The following ZEB1 variants were observed in gnomAD, a reference collection of about 807,000 sequenced individuals.
ZEB1 encodes the protein zinc finger E-box binding homeobox 1, also known as zinc finger E-box-binding homeobox 1.
Under a neutral mutation model 84.9 loss-of-function variants are expected in ZEB1, and 21 were observed. The observed-to-expected ratio is 0.25, with a 90% CI of 0.18 to 0.36. The LOEUF is 0.36. Ranked by LOEUF, ZEB1 falls within the 10% of genes least tolerant of loss-of-function variation. ZEB1 has a pLI of 1.00. For missense variants in ZEB1, 1,104 were observed against 1,330.2 expected, an observed-to-expected ratio of 0.83 and a Z score of 2.65; for synonymous variants, 420 against 471.1, an observed-to-expected ratio of 0.89 and a Z score of 1.41.
At chr10:31,370,079 G>A (rs1457212166) in intron 1 of ZEB1, among the ~76,000 whole-genome samples, 1 of 152,020 alleles carries the variant, frequency 6.6e-6, no homozygotes. Flanking sequence ...TTGAGATGTT[G>A]GAGTTACTTA....
At chr10:31,390,701 A>C (rs1455991417) in intron 1 of ZEB1, among the ~76,000 whole-genome samples, 1 of 152,128 alleles carries the variant, frequency 6.6e-6, no homozygotes, top group African/African-American at 2.4e-5. Flanking sequence ...GTCAAGCATG[A>C]ACACAAAATA....
intron 1 of ZEB1, among the ~76,000 whole-genome samples, chr10:31,435,023 G>A (rs1340461262): frequency 1.3e-5 from 2 of 152,116 alleles, no homozygotes; most frequent in African/African-American, 2.4e-5. Flanking sequence ...CTGTGAATAT[G>A]TTACATTACT....
chr10:31,427,858 C>G (rs1293532440), intron 1 of ZEB1, among the ~76,000 whole-genome samples: 11 of 119,390 alleles, frequency 9.2e-5, no homozygotes, highest in Admixed American at 8.8e-4. Context: ...GACTCCATCT[C>G]AAAAAAAAAA....
At chr10:31,361,848 G>A (rs2043171954) in intron 1 of ZEB1, among the ~76,000 whole-genome samples, 6 of 148,980 alleles carry the variant, frequency 4.0e-5, no homozygotes, top group African/African-American at 2.5e-5. Context: ...TGAGGAGGCC[G>A]GGCAGAGGCA....
At chr10:31,386,796 T>C (rs1401889960) in intron 1 of ZEB1, among the ~76,000 whole-genome samples, 1 of 152,178 alleles carries the variant, frequency 6.6e-6, no homozygotes, top group Non-Finnish European at 1.5e-5. Flanking sequence ...TTAATGAGTT[T>C]AGCTATGTAT....
At chr10:31,369,216 A>T (rs2045220422) in intron 1 of ZEB1, among the ~76,000 whole-genome samples, 1 of 152,182 alleles carries the variant, frequency 6.6e-6, no homozygotes, top group Non-Finnish European at 1.5e-5. Flanking sequence ...AATATTTCAT[A>T]TTGAGACATT....
At chr10:31,357,554 G>A (rs890278434) in intron 1 of ZEB1, among the ~76,000 whole-genome samples, 1 of 152,052 alleles carries the variant, frequency 6.6e-6, no homozygotes, top group African/African-American at 2.4e-5. Flanking sequence ...GAATAACTCT[G>A]CTCCCAATAG....
chr10:31,526,884 G>C lies in ZEB1; in HGVS notation c.2998G>C (p.Glu1000Gln), dbSNP rs1313880844. ...GGAAGAACGTGACAGCACAGAGCAGGAAGAGGCAGGGCCTGAAATCCTCTC... is the reference window on the plus strand; with the variant it reads ...GGAAGAACGTGACAGCACAGAGCAGCAAGAGGCAGGGCCTGAAATCCTCTC... ...EAEERDSTEQ[E>Q]EAGPEILSNE... Residue 1000 changes from glutamate to glutamine, a missense_variant, in exon 9 of 9, where the codon GAA becomes CAA. Physicochemically the swap from Glu to Gln is conservative, Grantham distance 29. Around this residue, in one of 7 missense-constraint regions of ZEB1, gnomAD observed 173 missense variants for 167.0 expected, o/e 1.04. Transcript: ENST00000424869. 6.2e-7 allele frequency: 1 copy of C among 1,614,194 alleles called. No individual in the cohort carries two copies. Among genetic ancestry groups the C allele is most frequent in the East Asian group, 2.2e-5 (1 of 44,852 alleles).
intron 1 of ZEB1, among the ~76,000 whole-genome samples, chr10:31,345,392 G>A (rs964201673): frequency 2.0e-5 from 3 of 152,128 alleles, no homozygotes; most frequent in African/African-American, 7.2e-5. Context: ...CTTAATGACA[G>A]GAAAGTAAAC....
At chr10:31,490,657 A>G (rs555347055) in intron 2 of ZEB1, among the ~76,000 whole-genome samples, 1 of 151,890 alleles carries the variant, frequency 6.6e-6, no homozygotes, top group Admixed American at 6.6e-5. Context: ...TAATAATTCT[A>G]ACATCTTTTT....
intron 1 of ZEB1, among the ~76,000 whole-genome samples, chr10:31,455,306 A>C (rs1406460984): frequency 1.3e-5 from 2 of 152,226 alleles, no homozygotes; most frequent in African/African-American, 4.8e-5. Flanking sequence ...AAACCATGAA[A>C]ACCCTAGAAG....
At chr10:31,395,734 C>T (rs1333116874) in intron 1 of ZEB1, among the ~76,000 whole-genome samples, 1 of 152,144 alleles carries the variant, frequency 6.6e-6, no homozygotes, top group African/African-American at 2.4e-5. Context: ...GGGACTTCAC[C>T]TCTTTTCGAT....
chr10:31,493,356 T>C (rs1053954213), intron 2 of ZEB1, among the ~76,000 whole-genome samples: 3 of 151,958 alleles, frequency 2.0e-5, no homozygotes, highest in African/African-American at 2.4e-5. Context: ...TTTTCCATTA[T>C]GTTTCATTTT....
At chr10:31,325,765 C>T (rs2035342895) in intron 1 of ZEB1, among the ~76,000 whole-genome samples, 1 of 151,688 alleles carries the variant, frequency 6.6e-6, no homozygotes, top group Admixed American at 6.6e-5. Context: ...CCTCTGTTTT[C>T]TCTTTTTAAA....
At chr10:31,501,545 A>G (rs1056141086) in intron 3 of ZEB1, among the ~76,000 whole-genome samples, 1 of 152,142 alleles carries the variant, frequency 6.6e-6, no homozygotes, top group Non-Finnish European at 1.5e-5. Context: ...ATTAAAAACT[A>G]TTTTCTAAGA....
At chr10:31,472,336 G>A (rs1024905504) in intron 2 of ZEB1, among the ~76,000 whole-genome samples, 14 of 152,004 alleles carry the variant, frequency 9.2e-5, no homozygotes, top group African/African-American at 3.4e-4. Context: ...AAAAAAGAGA[G>A]AAGAATCAAA....
chr10:31,516,549 A>T (rs1214082481), intron 6 of ZEB1, among the ~76,000 whole-genome samples: 237 of 81,490 alleles, frequency 2.9e-3, no homozygotes, highest in Non-Finnish European at 5.0e-3. Flanking sequence ...TAAAAAAAAA[A>T]AAAAAAAAAA....
Position 31,527,268 on chromosome 10 carries a change from T to C in ZEB1, c.*4T>C. 6.3e-7 allele frequency: 1 copy of C among 1,598,750 alleles called. No homozygotes were observed. The highest frequency in any genetic ancestry group is 8.5e-7 in the Non-Finnish European group (1 of 1,174,662). The stretch of plus-strand genomic sequence containing the variant: ...AGAAAAGACAAATGAAGCCTAATCG[T>C]TTTTCTAGAAGGAAAATAAATTCTA... On this transcript the variant is annotated 3_prime_UTR_variant, in exon 9 of 9. Coordinates refer to ENST00000424869, the MANE Select transcript of ZEB1 (RefSeq NM_001174096.2).
At chr10:31,400,071 A>G (rs768685745) in intron 1 of ZEB1, among the ~76,000 whole-genome samples, 4 of 151,760 alleles carry the variant, frequency 2.6e-5, no homozygotes, top group African/African-American at 4.8e-5. Flanking sequence ...CTTCACCCCA[A>G]TTCTCCTTCC....
Sources: gnomAD v4.1 joint callset for allele counts (sites outside exome capture counted in the v4.1 genomes callset) on GRCh38, gnomAD v4.1.1 for gene constraint, gnomAD v4.1.1 regional missense constraint, MANE v1.5 for transcripts, NCBI Gene and HGNC (gene_info 2026-07-23, HGNC 2026-07-21) for gene names.